The following ZNF7 variants were observed in gnomAD, a reference collection of about 807,000 sequenced individuals.
ZNF7 encodes the protein zinc finger protein 7, also known as C2-H2 type zinc finger protein.
A neutral mutation model predicts 12.0 loss-of-function variants in ZNF7; 10 were observed. The ratio of observed to expected loss-of-function variants is 0.83; its 90% CI spans 0.51 to 1.42. The LOEUF (loss-of-function observed/expected upper bound fraction) is 1.42, where lower values mean the gene tolerates loss of function less well. Among genes scored for constraint, ZNF7 ranks in the 40% most tolerant of loss-of-function variants. The probability of loss-of-function intolerance (pLI) is 0.00; values close to 1 mark genes in which losing one functional copy is unlikely to be tolerated. For synonymous variants in ZNF7, 334 were observed against 295.0 expected (o/e 1.13, Z -1.35); for missense variants, 854 against 837.2 (o/e 1.02, Z -0.25).
chr8:144,842,755 GA>G lies in ZNF7; in HGVS notation c.1649del (p.Glu550GlyfsTer24), dbSNP rs1830115906. 1 of 1,614,228 alleles carries G rather than the reference GA, an allele frequency of 6.2e-7. No homozygotes were observed. Among genetic ancestry groups the G allele is most frequent in the Non-Finnish European group, 8.5e-7 (1 of 1,180,038 alleles). On this transcript the variant is annotated frameshift_variant, in exon 5 of 5. Coordinates refer to ENST00000532777, the MANE Select transcript of ZNF7 (RefSeq NM_003416.4). LOFTEE classifies it low-confidence loss of function (END_TRUNC). ...LTIHQRVHTG[E>X]RPYKCNECGK... ...AATACATCAAAGGGTTCACACTGGA[GA>G]GAGGCCCTATAAATGTAATGAATGT...
intron 4 of ZNF7, 44 bp from the exon 5 acceptor site, chr8:144,841,311 T>C (rs768361206): frequency 1.3e-6 from 2 of 1,542,276 alleles, no homozygotes; most frequent in South Asian, 2.5e-5. Context: ...ATCATTTCTC[T>C]GAGCACAGGG....
At chr8:144,845,833 A>C (rs761560934), downstream of ZNF7, 44 of 744,022 alleles carry the variant, frequency 5.9e-5, no homozygotes, top group Non-Finnish European at 8.4e-5. Flanking sequence ...CTCACACCGG[A>C]ACTTCTGTGC....
intron 4 of ZNF7, among the ~76,000 whole-genome samples, chr8:144,839,938 CTT>C (rs764056809): frequency 1.3e-5 from 2 of 152,146 alleles, no homozygotes; most frequent in African/African-American, 2.4e-5. Context: ...TGCCGCTGCT[CTT>C]TATTTTTTTA....
Position 144,829,058 on chromosome 8 carries a change from C to T in ZNF7, c.-30C>T, listed in dbSNP as rs545674863. The T allele has an allele frequency of 1.2e-6, 2 of 1,614,018 alleles. No homozygotes were observed. Among genetic ancestry groups the T allele is most frequent in the East Asian group, 2.2e-5 (1 of 44,878 alleles). On this transcript the variant is annotated 5_prime_UTR_variant, in exon 2 of 5. Transcript: ENST00000532777. ...TTGCCAACAGGTCTCTCGGCCAGAA[C>T]ACGTGGATGCCCACCCACCACTGAG...
intron 3 of ZNF7, among the ~76,000 whole-genome samples, chr8:144,830,609 A>G (rs180783902): frequency 4.6e-5 from 7 of 152,346 alleles, no homozygotes; most frequent in African/African-American, 1.7e-4. Context: ...GCTACTGATT[A>G]CACGCATTTT....
chr8:144,830,346 G>A (rs559275607), intron 3 of ZNF7, among the ~76,000 whole-genome samples: 2 of 152,362 alleles, frequency 1.3e-5, no homozygotes, highest in African/African-American at 4.8e-5. Flanking sequence ...TTGCCAGTCA[G>A]ATAAGTGTAC....
chr8:144,840,335 C>T (rs1259118263), intron 4 of ZNF7, among the ~76,000 whole-genome samples: 1 of 152,210 alleles, frequency 6.6e-6, no homozygotes, highest in African/African-American at 2.4e-5. Flanking sequence ...TTGGAGATCC[C>T]TGGAAGCCGG....
chr8:144,831,651 C>CTT, intron 3 of ZNF7, among the ~76,000 whole-genome samples: 2 of 142,494 alleles, frequency 1.4e-5, no homozygotes, highest in African/African-American at 5.0e-5. Context: ...GGTGTGGTGG[C>CTT]GCATGCCTGT....
At chr8:144,837,644 T>G in intron 4 of ZNF7, 137 bp downstream of exon 4, 1 of 626,934 alleles carries the variant, frequency 1.6e-6, no homozygotes, top group South Asian at 2.3e-5. Flanking sequence ...GGAAGCAGCA[T>G]CCAGCACCTA....
rs757873303 is a variant in ZNF7 at position 144,842,009 on chromosome 8, C to T, written c.902C>T (p.Thr301Ile). ...SKLIQHQRIH[T>I]GEKPYRCEEC... ...CTTATTCAGCATCAAAGAATCCACA[C>T]TGGGGAGAAGCCCTACAGATGTGAG... is the stretch of plus-strand genomic sequence containing the variant. Residue 301 changes from threonine (T) to isoleucine (I), a missense_variant, in exon 5 of 5, where the codon ACT becomes ATT. By Grantham distance (89) the Thr-to-Ile change is moderately conservative (BLOSUM62 -1). Transcript: ENST00000532777. 5.0e-6 allele frequency: 8 copies of T among 1,614,236 alleles called. No homozygotes were observed. In the South Asian group the frequency reaches 8.8e-5, roughly 18 times the overall value.
chr8:144,829,810 C>A, intron 3 of ZNF7: 1 of 501,846 alleles, frequency 2.0e-6, no homozygotes, highest in Non-Finnish European at 3.2e-6. Context: ...GGGTGGGATT[C>A]TGGGAGTTAG....
intron 3 of ZNF7, chr8:144,837,030 T>G (rs943483749): frequency 5.5e-6 from 1 of 180,678 alleles, no homozygotes; most frequent in African/African-American, 2.3e-5. Flanking sequence ...GCATCTCTGC[T>G]CTCTGAACTG....
intron 3 of ZNF7, chr8:144,835,450 T>C (rs1828885496): frequency 6.6e-6 from 1 of 152,220 alleles, no homozygotes; most frequent in Non-Finnish European, 1.5e-5. Context: ...CAGTCCTGCC[T>C]TGGCCTTCCA....
intron 1 of ZNF7, 161 bp downstream of exon 1, chr8:144,827,770 G>A: frequency 1.2e-6 from 1 of 828,570 alleles, no homozygotes; most frequent in Admixed American, 6.2e-5. Flanking sequence ...GCCTGGTGTG[G>A]GAGGTGGTCG....
At chr8:144,829,112 T>C (rs1343535219) in intron 2 of ZNF7, 22 bp downstream of exon 2, 1 of 1,613,768 alleles carries the variant, frequency 6.2e-7, no homozygotes, top group Non-Finnish European at 8.5e-7. Flanking sequence ...GACTGCCTCC[T>C]TCCCCTCGCA....
intron 3 of ZNF7, chr8:144,836,754 C>T: frequency 6.6e-6 from 1 of 152,370 alleles, no homozygotes; most frequent in Non-Finnish European, 1.5e-5. Flanking sequence ...GGATCAACTG[C>T]TCATCTCTGT....
intron 4 of ZNF7, chr8:144,838,386 C>T: frequency 2.1e-6 from 1 of 480,736 alleles, no homozygotes; most frequent in Non-Finnish European, 3.7e-6. Context: ...ACCAGGGCAC[C>T]CACTGCCTCC....
chr8:144,846,534 A>C, downstream of ZNF7: 2 of 206,496 alleles, frequency 9.7e-6, no homozygotes, highest in Non-Finnish European at 2.0e-5. Context: ...AAATGACTTC[A>C]TGCCCTCCAG....
rs1830122252 is a variant in ZNF7, at chr8:144,842,814, C to T, written c.1707C>T (p.Phe569=). 4 of 1,614,136 alleles carry T rather than the reference C, an allele frequency of 2.5e-6. No homozygotes were observed. Among genetic ancestry groups the T allele is most frequent in the Non-Finnish European group, 3.4e-6 (4 of 1,180,028 alleles). ...CCTTCAGTCAAAACTCAACCCTTTTCCAACACCAGATAATTCATGCAGGGG... is the reference window on the plus strand; with the variant it reads ...CCTTCAGTCAAAACTCAACCCTTTTTCAACACCAGATAATTCATGCAGGGG... ...GKAFSQNSTL[F]QHQIIHAGVK... is the part of the protein sequence containing the mutation. Residue 569 remains phenylalanine (F), a synonymous_variant, in exon 5 of 5, where the codon TTC becomes TTT. Coordinates refer to ENST00000532777, the MANE Select transcript of ZNF7 (RefSeq NM_003416.4).
Sources: allele counts gnomAD v4.1 joint callset (sites outside exome capture counted in the v4.1 genomes callset), GRCh38; gene constraint gnomAD v4.1.1; transcripts MANE v1.5; gene names NCBI Gene and HGNC (gene_info 2026-07-23, HGNC 2026-07-21).